The following LINGO2 variants were observed in gnomAD, a reference collection of about 807,000 sequenced individuals.
The protein encoded by LINGO2 is leucine-rich repeat and immunoglobulin-like domain-containing nogo receptor-interacting protein 2.
Under a neutral mutation model 30.6 loss-of-function variants are expected in LINGO2, and 14 were observed. The observed-to-expected ratio is 0.46, with a 90% CI of 0.30 to 0.72. The LOEUF (loss-of-function observed/expected upper bound fraction) is 0.72. LINGO2 is among the 30% of genes least tolerant of loss of function. The pLI is 0.07. For synonymous variants in LINGO2, 317 were observed against 288.5 expected, an observed-to-expected ratio of 1.10 and a Z score of -1.00; for missense variants, 729 against 751.7, an observed-to-expected ratio of 0.97 and a Z score of 0.35.
chr9:28,793,674 T>C, the LINGO2 span, among the ~76,000 whole-genome samples: 9 of 152,266 alleles, frequency 5.9e-5, no homozygotes, highest in South Asian at 8.3e-4. Flanking sequence ...AGAAGAAATA[T>C]AACACATCAG....
At chr9:28,631,855 G>T (rs1211591782) in intron 1 of LINGO2, among the ~76,000 whole-genome samples, 1 of 152,116 alleles carries the variant, frequency 6.6e-6, no homozygotes, top group African/African-American at 2.4e-5. Context: ...ACATGAAATA[G>T]AACCTTTTGG....
intron 4 of LINGO2, among the ~76,000 whole-genome samples, chr9:28,063,603 TA>T (rs1190322390): frequency 6.6e-6 from 1 of 152,106 alleles, no homozygotes; most frequent in African/African-American, 2.4e-5. Flanking sequence ...TCCCAAATCA[TA>T]TAACTCATAC....
chr9:29,026,581 C>G, the LINGO2 span, among the ~76,000 whole-genome samples: 3 of 151,624 alleles, frequency 2.0e-5, no homozygotes, highest in Non-Finnish European at 4.4e-5. Flanking sequence ...ATATTTTTGT[C>G]AACTATGCAA....
At chr9:28,519,873 C>T (rs1820766717) in intron 1 of LINGO2, among the ~76,000 whole-genome samples, 1 of 152,028 alleles carries the variant, frequency 6.6e-6, no homozygotes, top group Admixed American at 6.5e-5. Context: ...CCTTGATCCC[C>T]AATTTTTTTT....
chr9:28,007,758 G>A (rs750031236), intron 5 of LINGO2, among the ~76,000 whole-genome samples: 32 of 152,098 alleles, frequency 2.1e-4, no homozygotes, highest in Admixed American at 1.6e-3. Flanking sequence ...ATCATCTGAC[G>A]GTTGGATGGC....
the LINGO2 span, among the ~76,000 whole-genome samples, chr9:28,717,841 C>T: frequency 1.3e-5 from 2 of 151,942 alleles, no homozygotes; most frequent in Admixed American, 6.6e-5. Context: ...CAAACCTACA[C>T]CTCAGTAACT....
chr9:28,024,710 T>A (rs1285597649), intron 4 of LINGO2, among the ~76,000 whole-genome samples: 1 of 152,132 alleles, frequency 6.6e-6, no homozygotes, highest in Non-Finnish European at 1.5e-5. Flanking sequence ...CCAAAGTCAT[T>A]GCATCTTCAT....
At chr9:28,137,611 C>A (rs1458122876) in intron 4 of LINGO2, among the ~76,000 whole-genome samples, 2 of 151,690 alleles carry the variant, frequency 1.3e-5, no homozygotes, top group Non-Finnish European at 2.9e-5. Flanking sequence ...TATTGATTTT[C>A]TTACTGGAAT....
the LINGO2 span, among the ~76,000 whole-genome samples, chr9:29,203,585 A>G: frequency 2.6e-5 from 4 of 152,124 alleles, no homozygotes; most frequent in African/African-American, 9.7e-5. Context: ...AATCACACTA[A>G]TGTTACTAAG....
the LINGO2 span, among the ~76,000 whole-genome samples, chr9:28,739,421 A>G: frequency 6.6e-6 from 1 of 152,136 alleles, no homozygotes; most frequent in Non-Finnish European, 1.5e-5. Context: ...GAATAAAACG[A>G]GAGTTTTGTA....
At position 28,314,079 on chromosome 9, in the gene LINGO2, C is replaced by T. The variant is rs145472064; in HGVS notation, c.-245-18713G>A. ...CCTCCCGCGTAGCTGGGACTACAGG[C>T]GCCCACCACCTCGCCCGGCTAATTT... is the stretch of plus-strand genomic sequence containing the variant. On this transcript the variant is annotated intron_variant, in intron 3 of 5. Coordinates refer to ENST00000379992, the Ensembl canonical transcript of LINGO2. Among the ~76,000 whole-genome samples, 4 of 152,226 alleles carry T rather than the reference C, an allele frequency of 2.6e-5. No individual in the cohort carries two copies. The East Asian group carries it at 5.8e-4, about 22-fold the overall frequency.
At chr9:28,431,029 T>A (rs1186224850) in intron 2 of LINGO2, among the ~76,000 whole-genome samples, 27 of 129,452 alleles carry the variant, frequency 2.1e-4, no homozygotes, top group East Asian at 2.4e-4. Context: ...GCATGAGTGA[T>A]GAGAGAGAGA....
At chr9:29,119,356 C>T in the LINGO2 span, among the ~76,000 whole-genome samples, 6 of 146,220 alleles carry the variant, frequency 4.1e-5, no homozygotes, top group East Asian at 8.8e-4. Context: ...TATGCATGCA[C>T]GTGTGCGCGC....
chr9:27,968,051 G>T (rs1485662877), intron 5 of LINGO2, among the ~76,000 whole-genome samples: 1 of 152,044 alleles, frequency 6.6e-6, no homozygotes, highest in Non-Finnish European at 1.5e-5. Flanking sequence ...AAAAAGAGTA[G>T]AAAACTATCA....
chr9:28,350,115 C>T (rs1435297365), intron 3 of LINGO2, among the ~76,000 whole-genome samples: 4 of 150,546 alleles, frequency 2.7e-5, no homozygotes, highest in South Asian at 2.1e-4. Flanking sequence ...CACCAGCTAA[C>T]ATCATAATGA....
At chr9:28,767,110 T>C in the LINGO2 span, among the ~76,000 whole-genome samples, 1 of 151,128 alleles carries the variant, frequency 6.6e-6, no homozygotes, top group Non-Finnish European at 1.5e-5. Flanking sequence ...TGGAGAGACG[T>C]AGGTCAAAGA....
At chr9:28,507,316 G>A (rs896164063) in intron 1 of LINGO2, among the ~76,000 whole-genome samples, 1 of 151,948 alleles carries the variant, frequency 6.6e-6, no homozygotes, top group Non-Finnish European at 1.5e-5. Flanking sequence ...TATCCTTCAA[G>A]AGAAAAAGAT....
the LINGO2 span, among the ~76,000 whole-genome samples, chr9:28,994,244 A>C: frequency 6.6e-6 from 1 of 152,230 alleles, no homozygotes; most frequent in African/African-American, 2.4e-5. Context: ...ATAGAGCCAA[A>C]TCATGAGTGA....
intron 4 of LINGO2, among the ~76,000 whole-genome samples, chr9:28,136,903 C>A (rs542970900): frequency 6.6e-6 from 1 of 152,210 alleles, no homozygotes; most frequent in Admixed American, 6.5e-5. Context: ...CTGCTGAAGT[C>A]CTGAATGAAC....
Sources: allele counts gnomAD v4.1 joint callset (sites outside exome capture counted in the v4.1 genomes callset), GRCh38; gene constraint gnomAD v4.1.1; transcripts MANE v1.5; gene names NCBI Gene and HGNC (gene_info 2026-07-23, HGNC 2026-07-21).